Variants in DLG2 observed in about 807,000 individuals in gnomAD.
DLG2 encodes disks large homolog 2.
Under a neutral mutation model 132.5 loss-of-function variants are expected in DLG2, and 45 were observed. The ratio of observed to expected loss-of-function variants is 0.34; its 90% CI spans 0.27 to 0.44. DLG2 has a LOEUF of 0.44. DLG2 is among the 20% of genes least tolerant of loss of function. The probability of loss-of-function intolerance (pLI) is 1.00; values close to 1 mark genes in which losing one functional copy is unlikely to be tolerated. For missense variants in DLG2, 1,045 were observed against 1,196.9 expected (o/e 0.87, Z 1.87); for synonymous variants, 424 against 419.6 (o/e 1.01, Z -0.13).
At chr11:84,909,983 A>G (rs1324962280) in intron 6 of DLG2, among the ~76,000 whole-genome samples, 1 of 152,022 alleles carries the variant, frequency 6.6e-6, no homozygotes, top group African/African-American at 2.4e-5. Flanking sequence ...GAAGGAGGGG[A>G]TAATGAGGGA....
intron 8 of DLG2, among the ~76,000 whole-genome samples, chr11:84,207,081 C>CTCTATATATATA (rs148707321): frequency 2.7e-5 from 4 of 146,904 alleles, no homozygotes; most frequent in South Asian, 2.2e-4. Context: ...CTCTCTCTCT[C>CTCTATATATATA]TATATATATA....
intron 3 of DLG2, among the ~76,000 whole-genome samples, chr11:85,495,604 T>G (rs544797965): frequency 7.9e-5 from 12 of 152,190 alleles, no homozygotes; most frequent in African/African-American, 2.9e-4. Flanking sequence ...CCAGTTAGAA[T>G]GGTGATCATT....
intron 6 of DLG2, among the ~76,000 whole-genome samples, chr11:84,834,792 T>C (rs962778791): frequency 2.8e-5 from 2 of 70,884 alleles, no homozygotes; most frequent in African/African-American, 8.9e-5. Context: ...TTTAGTCTTT[T>C]CTCAGAAAAA....
chr11:85,382,042 C>T (rs144774440), intron 3 of DLG2, among the ~76,000 whole-genome samples: 13 of 152,114 alleles, frequency 8.5e-5, no homozygotes, highest in Admixed American at 3.3e-4. Flanking sequence ...AAAATTCATA[C>T]GGAAATGCAT....
At chr11:83,681,464 A>G (rs149973561) in intron 18 of DLG2, among the ~76,000 whole-genome samples, 22 of 152,306 alleles carry the variant, frequency 1.4e-4, no homozygotes, top group African/African-American at 4.8e-4. Flanking sequence ...TACAACAGTC[A>G]TGCCTTCTGC....
intron 11 of DLG2, among the ~76,000 whole-genome samples, chr11:84,015,521 G>A (rs1332255450): frequency 1.3e-5 from 2 of 152,030 alleles, no homozygotes; most frequent in Non-Finnish European, 1.5e-5. Flanking sequence ...TCTTCCTGAT[G>A]CTCTCCCTTT....
At chr11:85,437,318 A>T (rs2091541275) in intron 3 of DLG2, among the ~76,000 whole-genome samples, 1 of 152,186 alleles carries the variant, frequency 6.6e-6, no homozygotes, top group African/African-American at 2.4e-5. Flanking sequence ...AAGTAAAAAA[A>T]AAAACAAAAA....
intron 7 of DLG2, among the ~76,000 whole-genome samples, chr11:84,324,161 T>C (rs2098419446): frequency 6.6e-6 from 1 of 152,120 alleles, no homozygotes; most frequent in Non-Finnish European, 1.5e-5. Context: ...GGATTTTCTT[T>C]ATATTTTTAT....
intron 18 of DLG2, among the ~76,000 whole-genome samples, chr11:83,656,295 GC>G (rs2072417538): frequency 6.6e-6 from 1 of 152,146 alleles, no homozygotes; most frequent in Admixed American, 6.5e-5. Context: ...ATGATGCCAG[GC>G]CCGGTTGAAT....
At chr11:84,183,597 T>C (rs1281992569) in intron 8 of DLG2, among the ~76,000 whole-genome samples, 1 of 152,170 alleles carries the variant, frequency 6.6e-6, no homozygotes, top group Non-Finnish European at 1.5e-5. Flanking sequence ...AAATTATACT[T>C]TAAGTTTTAG....
intron 18 of DLG2, among the ~76,000 whole-genome samples, chr11:83,707,694 T>C (rs540163700): frequency 2.6e-4 from 39 of 152,158 alleles, no homozygotes; most frequent in African/African-American, 9.4e-4. Flanking sequence ...ACAACAGCAA[T>C]AACAAAAACA....
chr11:85,413,615 T>C (rs752331228), intron 3 of DLG2, among the ~76,000 whole-genome samples: 14 of 152,086 alleles, frequency 9.2e-5, no homozygotes, highest in Non-Finnish European at 1.9e-4. Context: ...TTCATTCTCC[T>C]ACATGTGGCT....
At chr11:84,273,689 G>A (rs947629094) in intron 7 of DLG2, among the ~76,000 whole-genome samples, 2 of 152,060 alleles carry the variant, frequency 1.3e-5, no homozygotes, top group African/African-American at 4.8e-5. Flanking sequence ...GAAGGGAGTC[G>A]GTTATATACA....
At chr11:84,515,748 T>G (rs1010385822) in intron 7 of DLG2, among the ~76,000 whole-genome samples, 3 of 151,852 alleles carry the variant, frequency 2.0e-5, no homozygotes, top group African/African-American at 7.2e-5. Flanking sequence ...CTAAAAGACA[T>G]ATACAGAATA....
Position 84,417,797 on chromosome 11 carries a change from G to A in DLG2, c.519+116773C>T, listed in dbSNP as rs180880122. ...CACCATTTTATGTATTATTTTCCTGGCTTTTAAACAGCATTAGAATCTCAC... is the reference window on the plus strand; with the variant it reads ...CACCATTTTATGTATTATTTTCCTGACTTTTAAACAGCATTAGAATCTCAC... On this transcript the variant is annotated intron_variant, in intron 7 of 27. Transcript: ENST00000376104. Among the ~76,000 whole-genome samples the A allele has an allele frequency of 1.5e-3, 228 of 152,068 alleles. 1 individual carries two copies. Among genetic ancestry groups the A allele is most frequent in the Admixed American group, 1.5e-3 (23 of 15,280 alleles).
chr11:83,517,161 C>G (rs1249983558), intron 21 of DLG2, among the ~76,000 whole-genome samples: 2 of 152,192 alleles, frequency 1.3e-5, no homozygotes, highest in East Asian at 3.8e-4. Context: ...TCAGGTACAC[C>G]AATCAGATGT....
intron 19 of DLG2, among the ~76,000 whole-genome samples, chr11:83,548,823 T>C (rs1453754329): frequency 6.6e-6 from 1 of 152,138 alleles, no homozygotes; most frequent in African/African-American, 2.4e-5. Flanking sequence ...TTCTCTAAAA[T>C]TGCAAATCAC....
chr11:85,147,849 T>C (rs948793675), intron 5 of DLG2, among the ~76,000 whole-genome samples: 2 of 152,176 alleles, frequency 1.3e-5, no homozygotes, highest in East Asian at 1.9e-4. Flanking sequence ...ACCAATCATC[T>C]AGGTCTTAAA....
At chr11:84,161,535 A>T (rs2095545930) in intron 9 of DLG2, among the ~76,000 whole-genome samples, 1 of 152,166 alleles carries the variant, frequency 6.6e-6, no homozygotes, top group African/African-American at 2.4e-5. Flanking sequence ...CATGCTGAAG[A>T]TCAGGAAACA....
Sources: allele counts gnomAD v4.1 joint callset (sites outside exome capture counted in the v4.1 genomes callset), GRCh38; gene constraint gnomAD v4.1.1; transcripts MANE v1.5; gene names NCBI Gene and HGNC (gene_info 2026-07-23, HGNC 2026-07-21).